Variants in SLC35D1 observed in about 807,000 individuals in gnomAD.
SLC35D1 encodes the protein nucleotide sugar transporter SLC35D1.
Under a neutral mutation model 46.7 loss-of-function variants are expected in SLC35D1, and 31 were observed. The observed-to-expected ratio is 0.66, with a 90% CI of 0.50 to 0.90. SLC35D1 has a LOEUF of 0.90. Among genes scored for constraint, SLC35D1 ranks in the 40% least tolerant of loss-of-function variants. The probability of loss-of-function intolerance (pLI) is 0.00; values close to 1 mark genes in which losing one functional copy is unlikely to be tolerated. For synonymous variants in SLC35D1, 195 were observed against 164.6 expected (o/e 1.18, Z -1.41); for missense variants, 397 against 426.2 (o/e 0.93, Z 0.60).
At chr1:66,977,869 A>G in the SLC35D1 span, among the ~76,000 whole-genome samples, 1 of 152,172 alleles carries the variant, frequency 6.6e-6, no homozygotes, top group Non-Finnish European at 1.5e-5. Flanking sequence ...ACTCCAGTAA[A>G]GATGTTCTTA....
At chr1:67,043,574 A>G (rs1645218870) in intron 7 of SLC35D1, among the ~76,000 whole-genome samples, 1 of 152,172 alleles carries the variant, frequency 6.6e-6, no homozygotes, top group African/African-American at 2.4e-5. Context: ...AGCACAAAGC[A>G]AACAAACAAA....
intron 1 of SLC35D1, among the ~76,000 whole-genome samples, chr1:67,053,484 C>G (rs1165341876): frequency 6.6e-6 from 1 of 152,164 alleles, no homozygotes; most frequent in African/African-American, 2.4e-5. Flanking sequence ...ACAGGCATAA[C>G]GGCTCAAAAG....
At chr1:67,031,974 G>C (rs1442226012) in intron 8 of SLC35D1, 1 of 783,360 alleles carries the variant, frequency 1.3e-6, no homozygotes, top group Non-Finnish European at 1.5e-6. Context: ...CAAAACTTCT[G>C]CTTCTAGAGA....
chr1:67,020,874 AC>A (rs1667783714), intron 9 of SLC35D1, among the ~76,000 whole-genome samples: 1 of 152,160 alleles, frequency 6.6e-6, no homozygotes, highest in Non-Finnish European at 1.5e-5. Flanking sequence ...AATTAAAACT[AC>A]TTTAAGAGGG....
chr1:66,989,096 T>A, the SLC35D1 span, among the ~76,000 whole-genome samples: 13 of 151,102 alleles, frequency 8.6e-5, no homozygotes, highest in Admixed American at 3.3e-4. Context: ...TTTTGTCTTT[T>A]AAAAAAAAAA....
chr1:67,007,096 C>A (rs1667465594), intron 11 of SLC35D1, among the ~76,000 whole-genome samples: 1 of 152,148 alleles, frequency 6.6e-6, no homozygotes, highest in African/African-American at 2.4e-5. Context: ...CCCTGTCAGC[C>A]CTGACACTCA....
chr1:67,000,973 A>G lies in SLC35D1; in HGVS notation c.*3367T>C, dbSNP rs913877978. ...CATGCAGGCAGCTCTTGGTTACAAAATCACGGACTCCTTTCATCTGTCTCC... is the reference window on the plus strand; with the variant it reads ...CATGCAGGCAGCTCTTGGTTACAAAGTCACGGACTCCTTTCATCTGTCTCC... On this transcript the variant is annotated 3_prime_UTR_variant, in exon 12 of 12. Coordinates refer to ENST00000235345, the MANE Select transcript of SLC35D1 (RefSeq NM_015139.3). 1 of 152,382 alleles carries G rather than the reference A, an allele frequency of 6.6e-6. No individual in the cohort carries two copies. Among genetic ancestry groups the G allele is most frequent in the African/African-American group, 2.4e-5 (1 of 41,454 alleles). 9.4% of individuals were successfully genotyped at this position (152,382 alleles called of 1,614,324 possible).
At chr1:67,037,333 T>C (rs1164428788) in intron 8 of SLC35D1, among the ~76,000 whole-genome samples, 1 of 152,122 alleles carries the variant, frequency 6.6e-6, no homozygotes, top group Non-Finnish European at 1.5e-5. Context: ...TTTTGTTGCC[T>C]AGGTTAAGGA....
intron 8 of SLC35D1, among the ~76,000 whole-genome samples, chr1:67,033,161 T>C (rs939297476): frequency 6.6e-6 from 1 of 152,154 alleles, no homozygotes; most frequent in Admixed American, 6.5e-5. Context: ...GACACTCGAG[T>C]TGCTTCCAAA....
Position 67,054,106 on chromosome 1 carries a change from C to G in SLC35D1, c.-93G>C, listed in dbSNP as rs1645347085. On this transcript the variant is annotated 5_prime_UTR_variant, in exon 1 of 12. Transcript: ENST00000235345. Reference sequence around the variant, plus strand: ...AGGGGACTCCAGGAGTTGGGGACCGCAGACTAGGCCAGCTGCGCGCTCGCC... The same window carrying G: ...AGGGGACTCCAGGAGTTGGGGACCGGAGACTAGGCCAGCTGCGCGCTCGCC... 3.7e-5 allele frequency: 47 copies of G among 1,282,932 alleles called. No homozygotes were observed. The highest frequency in any genetic ancestry group is 5.1e-5 in the Non-Finnish European group (47 of 927,086). 79.5% of individuals were successfully genotyped at this position (1,282,932 alleles called of 1,614,324 possible).
At chr1:67,006,457 T>C (rs190863368) in intron 11 of SLC35D1, among the ~76,000 whole-genome samples, 1 of 147,562 alleles carries the variant, frequency 6.8e-6, no homozygotes, top group East Asian at 2.0e-4. Flanking sequence ...CTCTCCTTTC[T>C]TTCATCCTAC....
chr1:67,023,610 C>T (rs1308364604), intron 8 of SLC35D1, among the ~76,000 whole-genome samples: 3 of 151,730 alleles, frequency 2.0e-5, no homozygotes, highest in African/African-American at 2.4e-5. Flanking sequence ...CTCCGCCTCC[C>T]GGGTAGCTGG....
At chr1:67,052,896 A>C (rs763054519) in intron 2 of SLC35D1, 39 bp from the exon 3 acceptor site, 1 of 1,614,060 alleles carries the variant, frequency 6.2e-7, no homozygotes, top group Non-Finnish European at 8.5e-7. Flanking sequence ...TTCTACACAT[A>C]AAGACACACA....
Position 67,052,794 on chromosome 1 carries a change from G to A in SLC35D1, c.301C>T (p.Leu101Phe), listed in dbSNP as rs145382776. The A allele has an allele frequency of 1.3e-3, 2,154 of 1,614,082 alleles. 1 individual carries two copies. Among genetic ancestry groups the A allele is most frequent in the Non-Finnish European group, 1.7e-3 (2,039 of 1,180,014 alleles). The change falls in exon 3 of 12, where the codon CTT becomes TTT. Residue 101 changes from leucine (L) to phenylalanine (F), a missense_variant. Leu to Phe is a conservative substitution (Grantham distance 22). Coordinates refer to ENST00000235345, the MANE Select transcript of SLC35D1 (RefSeq NM_015139.3). ...KALRVVKFPD[L>F]DRNVPRKTFP... ...ACCTTTCGAGGTACATTTCTGTCAAGGTCAGGAAACTTGACTACTCTGAGC... is the reference window on the plus strand; with the variant it reads ...ACCTTTCGAGGTACATTTCTGTCAAAGTCAGGAAACTTGACTACTCTGAGC...
At chr1:66,986,237 C>T in the SLC35D1 span, 11 of 1,326,816 alleles carry the variant, frequency 8.3e-6, no homozygotes, top group African/African-American at 1.4e-4. Flanking sequence ...ATAATCATTG[C>T]TCTGTGTGAT....
rs992446300 is a variant in SLC35D1, at chr1:67,002,782, C to T, written c.*1558G>A. ...TCAACAGAGTCCAGTGGATTCCAAA[C>T]CCAATGAAATAGACACTGGTGTGTG... On this transcript the variant is annotated 3_prime_UTR_variant, in exon 12 of 12. Transcript: ENST00000235345. 13 of 152,328 alleles carry T rather than the reference C, an allele frequency of 8.5e-5. No homozygotes were observed. Among genetic ancestry groups the T allele is most frequent in the African/African-American group, 2.9e-4 (12 of 41,450 alleles). The allele number at this position is 152,328 out of a possible 1,614,324, so 9.4% of individuals were successfully genotyped here.
intron 10 of SLC35D1, among the ~76,000 whole-genome samples, chr1:67,015,220 TA>T (rs202103714): frequency 6.9e-6 from 1 of 145,380 alleles, no homozygotes; most frequent in Non-Finnish European, 1.5e-5. Flanking sequence ...AGTTTTTAAT[TA>T]AAAAAACAAA....
At chr1:66,976,552 GT>G in the SLC35D1 span, 2 of 1,522,588 alleles carry the variant, frequency 1.3e-6, no homozygotes, top group Non-Finnish European at 1.8e-6. Flanking sequence ...AAGTAACTTT[GT>G]TAAAAAGGAG....
intron 8 of SLC35D1, among the ~76,000 whole-genome samples, chr1:67,040,159 A>C (rs1487769311): frequency 6.6e-6 from 1 of 151,862 alleles, no homozygotes; most frequent in African/African-American, 2.4e-5. Flanking sequence ...CATTTGTGCT[A>C]ATTTTTTTGG....
Sources: allele counts gnomAD v4.1 joint callset (sites outside exome capture counted in the v4.1 genomes callset), GRCh38; gene constraint gnomAD v4.1.1; transcripts MANE v1.5; gene names NCBI Gene and HGNC (gene_info 2026-07-23, HGNC 2026-07-21).